RNF182: variants seen among roughly 807,000 people sequenced by gnomAD.
RNF182 encodes the protein E3 ubiquitin-protein ligase RNF182.
In RNF182, 15 loss-of-function variants were observed where a neutral mutation model predicts 14.4. That is an observed-to-expected ratio of 1.04 (90% confidence interval 0.70 to 1.60). The LOEUF is 1.60. RNF182 is among the 40% of genes most tolerant of loss of function. The pLI, the probability that RNF182 is intolerant of heterozygous loss-of-function variation, is 0.00. For missense variants in RNF182, 268 were observed against 294.8 expected (o/e 0.91, Z 0.67); for synonymous variants, 128 against 122.9 (o/e 1.04, Z -0.27).
At chr6:13,966,786 A>G (rs1760042309) in intron 1 of RNF182, among the ~76,000 whole-genome samples, 1 of 96,416 alleles carries the variant, frequency 1.0e-5, no homozygotes, top group African/African-American at 3.9e-5. Flanking sequence ...CCCCACCAAA[A>G]AAAAGTAAAA....
Position 13,976,786 on chromosome 6 carries a change from G to C in RNF182, c.-211-123G>C, listed in dbSNP as rs1459734498. On this transcript the variant is annotated intron_variant, in intron 2 of 2. Coordinates refer to ENST00000488300, the MANE Select transcript of RNF182 (RefSeq NM_152737.4). ...CAGAAGTGTGTGAAAAGATGAAGGG[G>C]ATTTAACCTTTTAAGTTTATTGCTT... 1.1e-5 allele frequency: 3 copies of C among 274,196 alleles called. No individual in the cohort carries two copies. In the Admixed American group the frequency reaches 1.4e-4, roughly 13 times the overall value. The allele number at this position is 274,196 out of a possible 1,614,324, so 17.0% of individuals were successfully genotyped here. A position where few individuals can be genotyped will look rare whatever the true frequency, so the allele number is the denominator to read the frequency against.
chr6:13,948,300 C>T (rs1759488803), intron 1 of RNF182, among the ~76,000 whole-genome samples: 1 of 152,092 alleles, frequency 6.6e-6, no homozygotes, highest in African/African-American at 2.4e-5. Flanking sequence ...CAAAACAAGA[C>T]AATTGCTTGT....
chr6:13,954,361 T>C (rs796118796), intron 1 of RNF182, among the ~76,000 whole-genome samples: 44 of 152,292 alleles, frequency 2.9e-4, no homozygotes, highest in African/African-American at 1.0e-3. Context: ...CCCTTCCCCA[T>C]TGGTTGGTTA....
At chr6:13,956,572 G>A (rs1015536097) in intron 1 of RNF182, among the ~76,000 whole-genome samples, 6 of 152,132 alleles carry the variant, frequency 3.9e-5, no homozygotes, top group Non-Finnish European at 5.9e-5. Flanking sequence ...TGATCCACCC[G>A]TCTTGGCCTC....
At chr6:13,955,236 G>T (rs888869919) in intron 1 of RNF182, among the ~76,000 whole-genome samples, 6 of 152,152 alleles carry the variant, frequency 3.9e-5, no homozygotes, top group Middle Eastern at 3.2e-3. Context: ...TACCAGATTA[G>T]ATTTGGACCT....
At chr6:13,941,949 A>G (rs1224103583) in intron 1 of RNF182, among the ~76,000 whole-genome samples, 3 of 152,132 alleles carry the variant, frequency 2.0e-5, no homozygotes, top group African/African-American at 7.2e-5. Context: ...TCCTTCATGT[A>G]AGTCTGTGTT....
At chr6:13,976,378 A>T (rs577510690) in intron 2 of RNF182, among the ~76,000 whole-genome samples, 1 of 152,374 alleles carries the variant, frequency 6.6e-6, no homozygotes, top group Admixed American at 6.5e-5. Context: ...CTGAGAAGGT[A>T]AGAACAGTCT....
At position 13,977,144 on chromosome 6, in the gene RNF182, A is replaced by G; in HGVS notation, c.25A>G (p.Thr9Ala). The G allele has an allele frequency of 3.1e-6, 5 of 1,613,972 alleles. No homozygotes were observed. The South Asian group carries it at 4.4e-5, about 14-fold the overall frequency. ...GATGGCCAGTCAACCTCCTGAAGAC[A>G]CTGCGGAGTCTCAGGCCTCTGATGA... MASQPPED[T>A]AESQASDELE... The change falls in exon 3 of 3, where the codon ACT (threonine) becomes GCT (alanine). Residue 9 changes from threonine to alanine, a missense_variant. Physicochemically the swap from Thr to Ala is moderately conservative, Grantham distance 58 (BLOSUM62 0). Transcript: ENST00000488300.
rs961808939 is a variant in RNF182 at position 13,932,618 on chromosome 6, T to A, written c.-367+7595T>A. 2.4e-4 allele frequency among the ~76,000 whole-genome samples: 37 copies of A among 152,200 alleles called. 1 individual carries two copies. Among genetic ancestry groups the A allele is most frequent in the Admixed American group, 2.2e-3 (34 of 15,284 alleles). On this transcript the variant is annotated intron_variant, in intron 1 of 2. Coordinates refer to ENST00000488300, the MANE Select transcript of RNF182 (RefSeq NM_152737.4). ...TAAGTTCCTTTGAATATTTTGTCAC[T>A]TACAAAATTAATATTGTATAGACAT...
chr6:13,953,768 G>A (rs1386843335), intron 1 of RNF182, among the ~76,000 whole-genome samples: 4 of 152,190 alleles, frequency 2.6e-5, no homozygotes, highest in Non-Finnish European at 5.9e-5. Context: ...CTGCTCATGC[G>A]ACATTGACCA....
At chr6:13,927,465 A>G (rs1399338091) in intron 1 of RNF182, among the ~76,000 whole-genome samples, 2 of 152,136 alleles carry the variant, frequency 1.3e-5, no homozygotes, top group African/African-American at 2.4e-5. Flanking sequence ...TTTTAATTTT[A>G]TGACGTAAAA....
intron 1 of RNF182, among the ~76,000 whole-genome samples, chr6:13,945,868 G>T (rs1759426171): frequency 6.6e-6 from 1 of 152,074 alleles, no homozygotes; most frequent in Non-Finnish European, 1.5e-5. Flanking sequence ...TGGATCTTGT[G>T]CAATAAAGAA....
intron 1 of RNF182, chr6:13,949,545 G>T (rs1346737493): frequency 4.0e-6 from 2 of 498,560 alleles, no homozygotes; most frequent in East Asian, 4.1e-5. Context: ...TCTGTGTTCT[G>T]CAGTAAAACC....
rs572055485 is a variant in RNF182, at chr6:13,975,063, C to G, written c.-212+699C>G. ...GCTACCAGGGGTACTGTTGTAAGAG[C>G]CTTGTGCTCAGCAGGGAATGAATGG... is the stretch of plus-strand genomic sequence containing the variant. On this transcript the variant is annotated intron_variant, in intron 2 of 2. Coordinates refer to ENST00000488300, the MANE Select transcript of RNF182 (RefSeq NM_152737.4). Among the ~76,000 whole-genome samples, 7 of 152,284 alleles carry G rather than the reference C, an allele frequency of 4.6e-5. No homozygotes were observed. In the South Asian group the frequency reaches 1.5e-3, roughly 32 times the overall value.
Position 13,977,015 on chromosome 6 carries a change from T to C in RNF182, c.-105T>C. ...TCTTTCACTACTTATCCTGCCTTTTTGCATCGCTGCCAGATTTGGATGATA... is the reference window on the plus strand; with the variant it reads ...TCTTTCACTACTTATCCTGCCTTTTCGCATCGCTGCCAGATTTGGATGATA... On this transcript the variant is annotated 5_prime_UTR_variant, in exon 3 of 3. Coordinates refer to ENST00000488300, the MANE Select transcript of RNF182 (RefSeq NM_152737.4). The C allele has an allele frequency of 8.1e-7, 1 of 1,240,528 alleles. No individual in the cohort carries two copies. The highest frequency in any genetic ancestry group is 1.1e-6 in the Non-Finnish European group (1 of 889,360). The allele number at this position is 1,240,528 out of a possible 1,614,324, so 76.8% of individuals were successfully genotyped here.
chr6:13,946,614 A>G (rs527606865), intron 1 of RNF182, among the ~76,000 whole-genome samples: 6 of 152,252 alleles, frequency 3.9e-5, no homozygotes, highest in African/African-American at 1.2e-4. Context: ...TAAATATCCT[A>G]TGACTAAAAA....
chr6:13,949,516 A>G, intron 1 of RNF182: 1 of 543,754 alleles, frequency 1.8e-6, no homozygotes. Flanking sequence ...CACTTGCAAG[A>G]AAAAAGCAAT....
chr6:13,953,603 A>G (rs749998980), intron 1 of RNF182, among the ~76,000 whole-genome samples: 7 of 152,206 alleles, frequency 4.6e-5, no homozygotes, highest in Non-Finnish European at 8.8e-5. Flanking sequence ...GGCGTAAGTC[A>G]GGGCCACTTA....
chr6:13,928,513 G>GT (rs1403488498), intron 1 of RNF182, among the ~76,000 whole-genome samples: 1 of 151,824 alleles, frequency 6.6e-6, no homozygotes, highest in African/African-American at 2.4e-5. Flanking sequence ...ATTTTGTAAT[G>GT]TTTTTTTAAA....
Sources: gnomAD v4.1 joint callset for allele counts (sites outside exome capture counted in the v4.1 genomes callset) on GRCh38, gnomAD v4.1.1 for gene constraint, MANE v1.5 for transcripts, NCBI Gene and HGNC (gene_info 2026-07-23, HGNC 2026-07-21) for gene names.